Variants in DST observed in about 807,000 individuals in gnomAD.
DST encodes dystonin, also known as bullous pemphigoid antigen.
Under a neutral mutation model 875.2 loss-of-function variants are expected in DST, and 253 were observed. The ratio of observed to expected loss-of-function variants is 0.29; its 90% CI spans 0.26 to 0.32. The LOEUF is 0.32. Ranked by LOEUF, DST falls within the 10% of genes least tolerant of loss-of-function variation. DST has a pLI of 1.00. For missense variants in DST, 8,287 were observed against 9,111.6 expected (o/e 0.91, Z 3.68); for synonymous variants, 3,124 against 3,197.1 (o/e 0.98, Z 0.77).
chr6:56,725,053 G>A (rs1045341630), intron 5 of DST, among the ~76,000 whole-genome samples: 2 of 152,230 alleles, frequency 1.3e-5, no homozygotes, highest in East Asian at 1.9e-4. Context: ...AAATAAGAGG[G>A]CACTATTCTT....
At chr6:56,916,639 G>C (rs935010198) in intron 2 of DST, among the ~76,000 whole-genome samples, 2 of 151,862 alleles carry the variant, frequency 1.3e-5, no homozygotes, top group Non-Finnish European at 2.9e-5. Flanking sequence ...TGTAGCCCCA[G>C]CTATCTGGGA....
chr6:56,513,009 T>C (rs369752660), intron 72 of DST, among the ~76,000 whole-genome samples: 2 of 152,208 alleles, frequency 1.3e-5, no homozygotes, highest in East Asian at 3.9e-4. Flanking sequence ...CAGCTATAGA[T>C]AATCTCATGG....
In DST at chr6:56,639,718, T is replaced by G. The variant is rs1418398087; in HGVS notation, c.2675A>C (p.Glu892Ala). Residue 892 changes from glutamate (E) to alanine (A), a missense_variant, in exon 20 of 104, where the codon GAG (glutamate) becomes GCG (alanine). By Grantham distance (107) the Glu-to-Ala change is moderately radical. Transcript: ENST00000680361. Reference protein sequence around the residue: ...LTYAEKLHRLESQYAKLLNTS... With the variant: ...LTYAEKLHRLASQYAKLLNTS... ...TACCAAGAGTTTTGCATACTGACTC[T>G]CTAATCTGTGCAACTTTTCTGCATA... The G allele has an allele frequency of 4.3e-6, 7 of 1,613,582 alleles. No individual in the cohort carries two copies. The highest frequency in any genetic ancestry group is 5.9e-6 in the Non-Finnish European group (7 of 1,179,850).
chr6:56,745,559 G>A (rs2099569738), intron 4 of DST, among the ~76,000 whole-genome samples: 1 of 152,224 alleles, frequency 6.6e-6, no homozygotes, highest in South Asian at 2.1e-4. Flanking sequence ...AAATAGTTGG[G>A]TGGGAAGAAT....
intron 57 of DST, 127 bp from the exon 58 acceptor site, chr6:56,560,550 G>C (rs572927689): frequency 1.8e-5 from 18 of 992,566 alleles, no homozygotes; most frequent in Non-Finnish European, 2.6e-5. Flanking sequence ...GTTGTGGTGG[G>C]TGAGGGCCTG....
At chr6:56,740,899 G>GA (rs967365237) in intron 4 of DST, among the ~76,000 whole-genome samples, 48 of 150,080 alleles carry the variant, frequency 3.2e-4, no homozygotes, top group African/African-American at 1.0e-3. Flanking sequence ...AAATCCTCAA[G>GA]AAAAAAAAAT....
At chr6:56,827,772 C>T (rs533688769) in intron 4 of DST, among the ~76,000 whole-genome samples, 55 of 152,118 alleles carry the variant, frequency 3.6e-4, no homozygotes, top group African/African-American at 1.2e-3. Flanking sequence ...TAAGCAGGGG[C>T]GGAAGAGTTG....
At chr6:56,658,471 G>C (rs1016494452) in intron 10 of DST, among the ~76,000 whole-genome samples, 3 of 152,138 alleles carry the variant, frequency 2.0e-5, no homozygotes, top group Admixed American at 2.0e-4. Flanking sequence ...GACATTATGG[G>C]CTGGTTATAG....
intron 2 of DST, among the ~76,000 whole-genome samples, chr6:56,926,275 C>A (rs550170990): frequency 6.6e-6 from 1 of 152,200 alleles, no homozygotes; most frequent in Admixed American, 6.5e-5. Flanking sequence ...AGTAATTCAA[C>A]GAATATATTT....
chr6:56,581,610 C>T (rs1000841223), intron 49 of DST, among the ~76,000 whole-genome samples: 1 of 152,212 alleles, frequency 6.6e-6, no homozygotes. Flanking sequence ...GCATTTCTAA[C>T]AGCTCTTACA....
chr6:56,634,962 T>A lies in DST; in HGVS notation c.3187-9A>T. 6.2e-7 allele frequency: 1 copy of A among 1,605,676 alleles called. No homozygotes were observed. The highest frequency in any genetic ancestry group is 1.1e-5 in the South Asian group (1 of 90,910). On this transcript the variant is annotated splice_polypyrimidine_tract_variant and intron_variant, in intron 24 of 103. Coordinates refer to ENST00000680361, the MANE Select transcript of DST (RefSeq NM_001374736.1). ...AGTTCTTCTTTCTCTTCCTAAGTAA[T>A]AAATACAGTGAATTTTAAGAAGTAA... is the stretch of plus-strand genomic sequence containing the variant.
intron 89 of DST, 107 bp from the exon 90 acceptor site, chr6:56,482,285 A>G (rs2095428427): frequency 2.4e-6 from 3 of 1,274,126 alleles, no homozygotes; most frequent in Non-Finnish European, 3.1e-6. Context: ...AAAAAAAAAA[A>G]GTTTTAAATT....
chr6:56,769,532 A>C (rs2099643794), intron 4 of DST, among the ~76,000 whole-genome samples: 1 of 152,238 alleles, frequency 6.6e-6, no homozygotes, highest in South Asian at 2.1e-4. Context: ...CTATTAAAAA[A>C]AAATTGGTCA....
chr6:56,463,290 T>C (rs910586627), intron 101 of DST, 134 bp from the exon 102 acceptor site: 1 of 623,408 alleles, frequency 1.6e-6, no homozygotes, highest in East Asian at 2.8e-5. Flanking sequence ...AAAGATCCAA[T>C]GGCAAATCAT....
At chr6:56,811,734 G>A (rs1173378837) in intron 4 of DST, among the ~76,000 whole-genome samples, 1 of 152,134 alleles carries the variant, frequency 6.6e-6, no homozygotes, top group Non-Finnish European at 1.5e-5. Context: ...AGACCACTTT[G>A]AAAACAAGAG....
chr6:56,482,655 A>G (rs765629338), intron 89 of DST, 28 bp downstream of exon 89: 49 of 1,598,004 alleles, frequency 3.1e-5, no homozygotes, highest in Non-Finnish European at 3.9e-5. Flanking sequence ...TTCCCATTAC[A>G]CCCAGCTCTC....
At chr6:56,762,353 G>A (rs2099619221) in intron 4 of DST, among the ~76,000 whole-genome samples, 1 of 152,154 alleles carries the variant, frequency 6.6e-6, no homozygotes, top group South Asian at 2.1e-4. Context: ...GTGAGAAGGG[G>A]CTTTAGAAAT....
intron 4 of DST, among the ~76,000 whole-genome samples, chr6:56,845,715 T>G (rs767623638): frequency 6.6e-6 from 1 of 152,214 alleles, no homozygotes; most frequent in Non-Finnish European, 1.5e-5. Flanking sequence ...TCCTTTACAA[T>G]GAGTAAGGTC....
chr6:56,736,747 A>AGT (rs2099526215), intron 4 of DST, among the ~76,000 whole-genome samples: 1 of 152,266 alleles, frequency 6.6e-6, no homozygotes, highest in Non-Finnish European at 1.5e-5. Context: ...ATGTAAACAA[A>AGT]AGTATATCAA....
Sources: gnomAD v4.1 joint callset for allele counts (sites outside exome capture counted in the v4.1 genomes callset) on GRCh38, gnomAD v4.1.1 for gene constraint, MANE v1.5 for transcripts, NCBI Gene and HGNC (gene_info 2026-07-23, HGNC 2026-07-21) for gene names.